Variants in FAR2 observed in about 807,000 individuals in gnomAD.
FAR2 encodes the protein epididymis secretory protein Li 81.
In FAR2, 19 loss-of-function variants were observed where a neutral mutation model predicts 56.0. That is an observed-to-expected ratio of 0.34 (90% CI 0.24 to 0.50). The LOEUF (loss-of-function observed/expected upper bound fraction) is 0.50, where lower values mean the gene tolerates loss of function less well. FAR2 is among the 20% of genes least tolerant of loss of function. FAR2 has a pLI of 0.98. For synonymous variants in FAR2, 219 were observed against 218.8 expected, an observed-to-expected ratio of 1.00 and a Z score of -0.01; for missense variants, 508 against 642.2, an observed-to-expected ratio of 0.79 and a Z score of 2.26.
intron 1 of FAR2, among the ~76,000 whole-genome samples, chr12:29,262,140 AAG>A (rs1948429749): frequency 6.6e-6 from 1 of 152,224 alleles, no homozygotes; most frequent in Non-Finnish European, 1.5e-5. Flanking sequence ...AATACATAAA[AAG>A]AAAAAGTTAA....
At chr12:29,305,787 T>C (rs1949245129) in intron 4 of FAR2, among the ~76,000 whole-genome samples, 1 of 152,170 alleles carries the variant, frequency 6.6e-6, no homozygotes, top group Non-Finnish European at 1.5e-5. Context: ...CTATAGAATA[T>C]TAAAATTTCT....
chr12:29,328,093 A>G (rs1051981585), intron 10 of FAR2, among the ~76,000 whole-genome samples: 21 of 152,354 alleles, frequency 1.4e-4, no homozygotes, highest in South Asian at 4.1e-4. Context: ...AAGTGGGCTA[A>G]GGATATGAAC....
At chr12:29,233,858 C>G (rs1481945178) in intron 1 of FAR2, among the ~76,000 whole-genome samples, 1 of 152,214 alleles carries the variant, frequency 6.6e-6, no homozygotes, top group Non-Finnish European at 1.5e-5. Flanking sequence ...CACAGCTTCA[C>G]TTGCTTTTAA....
intron 2 of FAR2, among the ~76,000 whole-genome samples, chr12:29,290,457 A>AG (rs1948947429): frequency 6.6e-6 from 1 of 152,070 alleles, no homozygotes. Context: ...GAAAAAAAAA[A>AG]AAAGAAAGAA....
At chr12:29,153,020 G>A (rs1398772030) in intron 1 of FAR2, among the ~76,000 whole-genome samples, 1 of 152,194 alleles carries the variant, frequency 6.6e-6, no homozygotes, top group Non-Finnish European at 1.5e-5. Context: ...CTGGAGATAA[G>A]TCTGTAACAG....
At chr12:29,236,718 G>A (rs1341531630) in intron 1 of FAR2, among the ~76,000 whole-genome samples, 2 of 151,976 alleles carry the variant, frequency 1.3e-5, no homozygotes, top group Non-Finnish European at 2.9e-5. Context: ...CGACACCTGG[G>A]GATTACAATT....
Position 29,260,900 on chromosome 12 carries a change from C to A in FAR2, c.-38-9512C>A, listed in dbSNP as rs112886455. ...CCCAAGGCCACCAAGGCAGTACCTTCATGACTGTGCAACAGCCACAGTGTT... is the reference window on the plus strand; with the variant it reads ...CCCAAGGCCACCAAGGCAGTACCTTAATGACTGTGCAACAGCCACAGTGTT... On this transcript the variant is annotated intron_variant, in intron 1 of 11. Transcript: ENST00000536681. Among the ~76,000 whole-genome samples, 596 of 152,316 alleles carry A rather than the reference C, an allele frequency of 3.9e-3. 7 individuals are homozygous for A. The highest frequency in any genetic ancestry group is 0.013 in the African/African-American group (542 of 41,572).
At chr12:29,262,814 T>G (rs1188837687) in intron 1 of FAR2, among the ~76,000 whole-genome samples, 2 of 152,106 alleles carry the variant, frequency 1.3e-5, no homozygotes, top group African/African-American at 4.8e-5. Flanking sequence ...TAACATTGAA[T>G]GTAAATGGAC....
At chr12:29,262,535 C>T (rs1948437829) in intron 1 of FAR2, among the ~76,000 whole-genome samples, 1 of 152,150 alleles carries the variant, frequency 6.6e-6, no homozygotes, top group South Asian at 2.1e-4. Context: ...GAGGCTGAGA[C>T]AAGAGAATCA....
intron 1 of FAR2, among the ~76,000 whole-genome samples, chr12:29,183,559 C>T (rs761450567): frequency 1.1e-3 from 162 of 152,286 alleles, no homozygotes; most frequent in Admixed American, 1.4e-3. Context: ...TCCTTCACTG[C>T]CATATTCATC....
chr12:29,219,441 G>A (rs145703037), intron 1 of FAR2, among the ~76,000 whole-genome samples: 14 of 152,126 alleles, frequency 9.2e-5, no homozygotes, highest in African/African-American at 3.4e-4. Context: ...TACATAAACA[G>A]GAACTTTCAA....
intron 1 of FAR2, among the ~76,000 whole-genome samples, chr12:29,267,300 C>G (rs1948533913): frequency 6.6e-6 from 1 of 152,088 alleles, no homozygotes; most frequent in South Asian, 2.1e-4. Flanking sequence ...ATGCTAATAG[C>G]CAATATTTGA....
At chr12:29,247,967 T>A (rs1401805362) in intron 1 of FAR2, among the ~76,000 whole-genome samples, 1 of 152,222 alleles carries the variant, frequency 6.6e-6, no homozygotes, top group African/African-American at 2.4e-5. Context: ...AAAGGGAAAA[T>A]ACTTTTTAAA....
At chr12:29,201,366 A>G (rs1390033988) in intron 1 of FAR2, among the ~76,000 whole-genome samples, 2 of 152,184 alleles carry the variant, frequency 1.3e-5, no homozygotes, top group Non-Finnish European at 2.9e-5. Flanking sequence ...TTGAATACAG[A>G]TACCTTCTGA....
At chr12:29,191,561 T>C (rs144103117) in intron 1 of FAR2, among the ~76,000 whole-genome samples, 251 of 152,338 alleles carry the variant, frequency 1.6e-3, no homozygotes, top group African/African-American at 5.7e-3. Flanking sequence ...AAATGCAACA[T>C]AATAGCCAAA....
intron 9 of FAR2, among the ~76,000 whole-genome samples, chr12:29,318,933 C>G (rs1490810299): frequency 6.6e-6 from 1 of 151,870 alleles, no homozygotes; most frequent in African/African-American, 2.4e-5. Context: ...AAGAGACTGT[C>G]AATTGGCACT....
At chr12:29,240,607 C>G (rs539071178) in intron 1 of FAR2, among the ~76,000 whole-genome samples, 2 of 152,090 alleles carry the variant, frequency 1.3e-5, no homozygotes, top group South Asian at 4.2e-4. Flanking sequence ...CCCTCTCCCA[C>G]CAGGCACTCA....
At chr12:29,267,972 G>C (rs368020244) in intron 1 of FAR2, among the ~76,000 whole-genome samples, 1 of 152,180 alleles carries the variant, frequency 6.6e-6, no homozygotes, top group African/African-American at 2.4e-5. Flanking sequence ...GTTCATCTGC[G>C]TGTCTTCAGA....
At chr12:29,278,722 G>A (rs547390522) in intron 2 of FAR2, among the ~76,000 whole-genome samples, 149 of 152,250 alleles carry the variant, frequency 9.8e-4, no homozygotes, top group African/African-American at 3.3e-3. Context: ...TAAAGTAAAG[G>A]TGGGTAGATG....
Sources: gnomAD v4.1 joint callset for allele counts (sites outside exome capture counted in the v4.1 genomes callset) on GRCh38, gnomAD v4.1.1 for gene constraint, MANE v1.5 for transcripts, NCBI Gene and HGNC (gene_info 2026-07-23, HGNC 2026-07-21) for gene names.